Variants in ZC3H11A observed in about 807,000 individuals in gnomAD.
ZC3H11A encodes the protein zinc finger CCCH domain-containing protein 11A.
In ZC3H11A, 22 loss-of-function variants were observed where a neutral mutation model predicts 90.8. The ratio of observed to expected loss-of-function variants is 0.24; its 90% CI spans 0.17 to 0.35. The LOEUF (loss-of-function observed/expected upper bound fraction) is 0.35, where lower values mean the gene tolerates loss of function less well. ZC3H11A is among the 10% of genes least tolerant of loss of function. The probability of loss-of-function intolerance (pLI) is 1.00; values close to 1 mark genes in which losing one functional copy is unlikely to be tolerated. For synonymous variants in ZC3H11A, 294 were observed against 339.8 expected (o/e 0.87, Z 1.48); for missense variants, 701 against 964.9 (o/e 0.73, Z 3.62).
intron 17 of ZC3H11A, among the ~76,000 whole-genome samples, 173 bp downstream of exon 17, chr1:203,851,297 T>G (rs1689195759): frequency 6.6e-6 from 1 of 152,194 alleles, no homozygotes; most frequent in Non-Finnish European, 1.5e-5. Context: ...TTGGTGCCAT[T>G]GTTTACATTT....
chr1:203,800,312 C>G lies in ZC3H11A; in HGVS notation c.-1587-1263C>G, dbSNP rs377177501. The stretch of plus-strand genomic sequence containing the variant: ...ATAGCCACTTTCATCCAAAACAGAT[C>G]ATGAGCCTGGACTTTGACAATATAG... On this transcript the variant is annotated intron_variant, in intron 1 of 17. Transcript: ENST00000367210. 2.2e-6 allele frequency: 2 copies of G among 894,488 alleles called. No individual in the cohort carries two copies. Among genetic ancestry groups the G allele is most frequent in the Non-Finnish European group, 3.6e-6 (2 of 560,300 alleles). 55.4% of individuals were successfully genotyped at this position (894,488 alleles called of 1,614,324 possible).
In ZC3H11A at chr1:203,802,444, A is replaced by G. The variant is rs1368337899; in HGVS notation, c.-718A>G. On this transcript the variant is annotated 5_prime_UTR_variant, in exon 2 of 18. Coordinates refer to ENST00000367210, the MANE Select transcript of ZC3H11A (RefSeq NM_001376342.1). The stretch of plus-strand genomic sequence containing the variant: ...CATTTTTGTGTATATGTGTGTGTGT[A>G]TAAGCCAGTTAGTATATATCTGTAT... 1 of 152,496 alleles carries G rather than the reference A, an allele frequency of 6.6e-6. No individual in the cohort carries two copies. Among genetic ancestry groups the G allele is most frequent in the Non-Finnish European group, 1.5e-5 (1 of 68,000 alleles). The allele number at this position is 152,496 out of a possible 1,614,324, so 9.4% of individuals were successfully genotyped here. A position where few individuals can be genotyped will look rare whatever the true frequency, so the allele number is the denominator to read the frequency against.
chr1:203,796,512 G>A (rs1269219983), intron 1 of ZC3H11A: 1 of 398,870 alleles, frequency 2.5e-6, no homozygotes, highest in Non-Finnish European at 4.4e-6. Flanking sequence ...GATTCCTATG[G>A]GGAAGGCCTA....
intron 2 of ZC3H11A, among the ~76,000 whole-genome samples, chr1:203,816,115 C>T (rs1350495763): frequency 6.6e-6 from 1 of 152,098 alleles, no homozygotes; most frequent in African/African-American, 2.4e-5. Flanking sequence ...GGTTTTCTCA[C>T]CTAGTTATGA....
intron 1 of ZC3H11A, chr1:203,797,282 C>G: frequency 3.0e-6 from 1 of 333,600 alleles, no homozygotes; most frequent in Admixed American, 4.6e-5. Context: ...TATTTGAATT[C>G]AGAACTTAGA....
In ZC3H11A at chr1:203,838,048, C is replaced by T. The variant is rs1421241266; in HGVS notation, c.957C>T (p.Asp319=). The T allele has an allele frequency of 6.2e-7, 1 of 1,614,168 alleles. No individual in the cohort carries two copies. The highest frequency in any genetic ancestry group is 1.1e-5 in the South Asian group (1 of 91,088). The change falls in exon 11 of 18, where the codon GAC becomes GAT. Residue 319 remains aspartate (D), a synonymous_variant. Coordinates refer to ENST00000367210, the MANE Select transcript of ZC3H11A (RefSeq NM_001376342.1). ...KKVEAPETNI[D]KTPKKAQVSK... ...TTGAAGCTCCAGAAACTAACATTGA[C>T]AAAACACCAAAGAAAGGTACCTGTG...
At chr1:203,811,168 TGTG>T (rs1258082542) in intron 2 of ZC3H11A, among the ~76,000 whole-genome samples, 3 of 139,776 alleles carry the variant, frequency 2.1e-5, no homozygotes, top group Admixed American at 7.2e-5. Context: ...AAAAGCCAAG[TGTG>T]GTGGTGGGCA....
At chr1:203,824,802 G>A (rs908333298) in intron 4 of ZC3H11A, among the ~76,000 whole-genome samples, 7 of 152,090 alleles carry the variant, frequency 4.6e-5, no homozygotes, top group South Asian at 2.1e-4. Flanking sequence ...TTGTTAGGCC[G>A]GACACGGTGG....
rs1479066535 is a variant in ZC3H11A at position 203,818,551 on chromosome 1, G to A, written c.55-19G>A. The A allele has an allele frequency of 1.2e-6, 2 of 1,612,972 alleles. No homozygotes were observed. The highest frequency in any genetic ancestry group is 1.7e-6 in the Non-Finnish European group (2 of 1,179,274). ...TGTATTTCAATGCTACAAATAGAGT[G>A]TTCTCTATTTGTTTACAGGGTGACA... On this transcript the variant is annotated intron_variant, in intron 3 of 17. Coordinates refer to ENST00000367210, the MANE Select transcript of ZC3H11A (RefSeq NM_001376342.1).
Position 203,830,064 on chromosome 1 carries a change from A to G in ZC3H11A, c.620-59A>G, listed in dbSNP as rs183971758. The stretch of plus-strand genomic sequence containing the variant: ...AAAAATAAATGCCTGCTATGTACAG[A>G]TAAAATACAAAGATGAAAAGGCTCC... On this transcript the variant is annotated intron_variant, in intron 7 of 17. Coordinates refer to ENST00000367210, the MANE Select transcript of ZC3H11A (RefSeq NM_001376342.1). 13 of 1,432,588 alleles carry G rather than the reference A, an allele frequency of 9.1e-6. 1 individual carries two copies. In the Admixed American group the frequency reaches 2.6e-4, roughly 28 times the overall value. The allele number at this position is 1,432,588 out of a possible 1,614,324, so 88.7% of individuals were successfully genotyped here.
chr1:203,847,664 T>C lies in ZC3H11A; in HGVS notation c.1523T>C (p.Leu508Pro), dbSNP rs773518090. Residue 508 changes from leucine to proline, a missense_variant, in exon 13 of 18, where the codon CTG (leucine) becomes CCG (proline). Physicochemically the swap from Leu to Pro is moderately conservative, Grantham distance 98. Around this residue, in one of 4 missense-constraint regions of ZC3H11A, gnomAD observed 530 missense variants for 696.2 expected, o/e 0.76. Transcript: ENST00000367210. ...QHEATPGARR[L>P]LRITKRTGMK... ...GAGGCCACTCCAGGGGCAAGGCGGC[T>C]GCTGCGAATCACCAAAAGAACAGGT... 14 of 1,612,292 alleles carry C rather than the reference T, an allele frequency of 8.7e-6. No homozygotes were observed. The highest frequency in any genetic ancestry group is 5.1e-6 in the Non-Finnish European group (6 of 1,179,816).
At chr1:203,845,652 C>T (rs1687683536) in intron 12 of ZC3H11A, among the ~76,000 whole-genome samples, 1 of 151,868 alleles carries the variant, frequency 6.6e-6, no homozygotes, top group Non-Finnish European at 1.5e-5. Context: ...TCTCTTGAGA[C>T]CAGGAGTTTT....
Position 203,797,633 on chromosome 1 carries a change from A to C in ZC3H11A, c.-1588+1839A>C, listed in dbSNP as rs774715337. 7.2e-6 allele frequency: 11 copies of C among 1,535,998 alleles called. No homozygotes were observed. The South Asian group carries it at 1.1e-4, about 15-fold the overall frequency. ...GATGTGTTCCTATTAATTCTAATAC[A>C]GATGAAGAAGATGTGGTAGAGGAAA... On this transcript the variant is annotated intron_variant, in intron 1 of 17. Transcript: ENST00000367210.
At chr1:203,797,787 T>C in intron 1 of ZC3H11A, 1 of 1,536,032 alleles carries the variant, frequency 6.5e-7, no homozygotes, top group Non-Finnish European at 8.7e-7. Flanking sequence ...TAGTAAGGAT[T>C]TGGGATCTGG....
rs1041007382 is a variant in ZC3H11A at position 203,826,945 on chromosome 1, TCTTC to T, written c.175-1352_175-1349del. Among the ~76,000 whole-genome samples the T allele has an allele frequency of 4.4e-3, 668 of 152,316 alleles. 6 individuals are homozygous for T. Among genetic ancestry groups the T allele is most frequent in the African/African-American group, 0.015 (632 of 41,564 alleles). On this transcript the variant is annotated intron_variant, in intron 4 of 17. Coordinates refer to ENST00000367210, the MANE Select transcript of ZC3H11A (RefSeq NM_001376342.1). ...GAAATAGAGTATTAGCAGTAATCTA[TCTTC>T]CCCTTCATCCCCTTGTTACTAACCA...
intron 1 of ZC3H11A, chr1:203,799,638 A>G (rs987611643): frequency 1.4e-6 from 1 of 703,456 alleles, no homozygotes; most frequent in East Asian, 2.7e-5. Flanking sequence ...GAGCGTGAAG[A>G]CCGCAGGATT....
intron 2 of ZC3H11A, among the ~76,000 whole-genome samples, chr1:203,804,342 C>T (rs923338164): frequency 6.6e-5 from 10 of 151,882 alleles, no homozygotes; most frequent in Admixed American, 4.6e-4. Context: ...TTAGTAGAGA[C>T]GGGGTTTCAC....
intron 2 of ZC3H11A, among the ~76,000 whole-genome samples, chr1:203,815,960 G>T (rs1188424456): frequency 1.3e-5 from 2 of 152,188 alleles, no homozygotes; most frequent in African/African-American, 4.8e-5. Context: ...TTGTTTTGTG[G>T]AATCACTATT....
At chr1:203,842,425 C>T (rs1418239638) in intron 12 of ZC3H11A, among the ~76,000 whole-genome samples, 4 of 152,120 alleles carry the variant, frequency 2.6e-5, no homozygotes, top group Admixed American at 6.5e-5. Context: ...GGCGAAACCC[C>T]GTCTCCACCA....
Sources: allele counts gnomAD v4.1 joint callset (sites outside exome capture counted in the v4.1 genomes callset), GRCh38; gene constraint gnomAD v4.1.1; regional missense constraint gnomAD v4.1.1; transcripts MANE v1.5; gene names NCBI Gene and HGNC (gene_info 2026-07-23, HGNC 2026-07-21).